FRMPD3: variants seen among roughly 807,000 people sequenced by gnomAD.
The protein encoded by FRMPD3 is FERM and PDZ domain-containing protein 3.
FRMPD3 carries 42 observed loss-of-function variants against 97.9 expected under a neutral mutation model. The ratio of observed to expected loss-of-function variants is 0.43; its 90% confidence interval spans 0.34 to 0.55. The LOEUF (loss-of-function observed/expected upper bound fraction) is 0.55. Among genes scored for constraint, FRMPD3 ranks in the 20% least tolerant of loss-of-function variants. The probability of loss-of-function intolerance (pLI) is 0.03; values close to 1 mark genes in which losing one functional copy is unlikely to be tolerated. For synonymous variants in FRMPD3, 577 were observed against 581.1 expected (o/e 0.99, Z 0.10); for missense variants, 1,303 against 1,457.7 (o/e 0.89, Z 1.73).
intron 4 of FRMPD3, among the ~76,000 whole-genome samples, chrX:107,543,618 C>T (rs1475086912): frequency 9.1e-6 from 1 of 110,058 alleles, no homozygotes; most frequent in African/African-American, 3.3e-5. Context: ...TAGTTCGAGA[C>T]CAGCCTGGCC....
chrX:107,484,215 T>C (rs1020259334), intron 1 of FRMPD3, among the ~76,000 whole-genome samples: 8 of 112,211 alleles, frequency 7.1e-5, no homozygotes, highest in African/African-American at 2.6e-4. Flanking sequence ...GGCTTGCGGA[T>C]TATGGTGCCA....
At chrX:107,587,395 CTT>C (rs1480237732) in intron 13 of FRMPD3, among the ~76,000 whole-genome samples, 2 of 111,269 alleles carry the variant, frequency 1.8e-5, no homozygotes, top group Non-Finnish European at 3.8e-5. Context: ...GGTCTTGACT[CTT>C]TATCCAATTT....
chrX:107,509,533 G>A (rs1922116649), intron 1 of FRMPD3, among the ~76,000 whole-genome samples: 1 of 112,058 alleles, frequency 8.9e-6, no homozygotes, highest in Admixed American at 9.4e-5. Context: ...ATTCCCTTCA[G>A]TTTTGCCTGA....
intron 4 of FRMPD3, among the ~76,000 whole-genome samples, chrX:107,543,256 G>A (rs192780135): frequency 1.8e-3 from 196 of 110,781 alleles, no homozygotes; most frequent in Non-Finnish European, 2.8e-3. Flanking sequence ...AGTTCTCACC[G>A]TGGTTTACAA....
At chrX:107,495,895 A>C (rs1921765075) in intron 1 of FRMPD3, among the ~76,000 whole-genome samples, 1 of 112,499 alleles carries the variant, frequency 8.9e-6, no homozygotes, top group Non-Finnish European at 1.9e-5. Flanking sequence ...TGATACATAC[A>C]TGTGTGAGAT....
chrX:107,453,743 G>C (rs1482283402), intron 1 of FRMPD3, among the ~76,000 whole-genome samples: 1 of 111,408 alleles, frequency 9.0e-6, no homozygotes. Flanking sequence ...GGCAAGGACA[G>C]TGATCTTGGG....
At chrX:107,570,302 C>T (rs1922828581) in intron 12 of FRMPD3, among the ~76,000 whole-genome samples, 1 of 102,699 alleles carries the variant, frequency 9.7e-6, no homozygotes, top group East Asian at 2.9e-4. Flanking sequence ...GTCTGAACAT[C>T]CTTAACAGGG....
chrX:107,509,482 A>G (rs964042670), intron 1 of FRMPD3, among the ~76,000 whole-genome samples: 10 of 112,077 alleles, frequency 8.9e-5, no homozygotes, highest in Admixed American at 1.9e-4. Context: ...ATAAGGTGAC[A>G]TGAAAGGAGT....
rs758845946 is a variant in FRMPD3 at position 107,602,391 on chromosome X, C to G, written c.4352C>G (p.Pro1451Arg). 1.2e-5 allele frequency: 14 copies of G among 1,210,481 alleles called. No homozygotes were observed. In the South Asian group the frequency reaches 1.8e-4, roughly 15 times the overall value. The change falls in exon 15 of 15, where the codon CCC (proline) becomes CGC (arginine). Residue 1451 changes from proline to arginine, a missense_variant. Coordinates refer to ENST00000683843, the MANE Select transcript of FRMPD3 (RefSeq NM_001388459.1). ...CTGGAGTCACCGACGCTGGGAGACC[C>G]CTCCTACGTCCAGGTTGCCCCAGAG... ...RSLESPTLGDPSYVQVAPETK... is the reference protein window; with the variant it reads ...RSLESPTLGDRSYVQVAPETK...
At chrX:107,545,534 C>G (rs1183806868) in intron 4 of FRMPD3, 4 of 370,526 alleles carry the variant, frequency 1.1e-5, no homozygotes, top group Non-Finnish European at 1.9e-5. Context: ...TCAATTCATG[C>G]CCAGCTGTTT....
At chrX:107,531,677 C>T (rs1003495235) in intron 3 of FRMPD3, among the ~76,000 whole-genome samples, 2 of 111,378 alleles carry the variant, frequency 1.8e-5, no homozygotes, top group Non-Finnish European at 3.8e-5. Flanking sequence ...TTCTTTGACT[C>T]TTCTCCAAGT....
In FRMPD3 at chrX:107,603,783, G is replaced by C. The variant is rs755537502; in HGVS notation, c.*410G>C. On this transcript the variant is annotated 3_prime_UTR_variant, in exon 15 of 15. Coordinates refer to ENST00000683843, the MANE Select transcript of FRMPD3 (RefSeq NM_001388459.1). Reference sequence around the variant, plus strand: ...AGCTCCTCGTGGCATCGGCTCCCCTGCTGGGAGCAGTGGCAGTAGCAGCAG... The same window carrying C: ...AGCTCCTCGTGGCATCGGCTCCCCTCCTGGGAGCAGTGGCAGTAGCAGCAG... 2.3e-3 allele frequency: 302 copies of C among 133,575 alleles called. No individual in the cohort carries two copies. The highest frequency in any genetic ancestry group is 3.2e-3 in the Non-Finnish European group (212 of 66,763). The allele number at this position is 133,575 out of a possible 1,213,427, so 11.0% of individuals were successfully genotyped here. A position where few individuals can be genotyped will look rare whatever the true frequency, so the allele number is the denominator to read the frequency against.
intron 1 of FRMPD3, among the ~76,000 whole-genome samples, chrX:107,456,649 G>C (rs1034986707): frequency 1.8e-5 from 2 of 112,170 alleles, no homozygotes; most frequent in African/African-American, 6.5e-5. Context: ...ATGTTTTACA[G>C]TTGGCTTGTT....
rs775705514 is a variant in FRMPD3 at position 107,560,790 on chromosome X, C to T, written c.963C>T (p.Asn321=). The change falls in exon 10 of 15, where the codon AAC becomes AAT. Residue 321 remains asparagine, a synonymous_variant. Transcript: ENST00000683843. ...PSLLQVIKEK[N]LRKSLSQQLK... ...TCCTGCAGGTCATCAAAGAGAAGAA[C>T]CTCCGGAAATCTCTCTCTCAGCAAC... The T allele has an allele frequency of 3.4e-6, 4 of 1,183,344 alleles. No homozygotes were observed. In the Admixed American group the frequency reaches 9.4e-5, roughly 28 times the overall value.
At chrX:107,574,880 C>T (rs921210941) in intron 12 of FRMPD3, among the ~76,000 whole-genome samples, 2 of 112,352 alleles carry the variant, frequency 1.8e-5, no homozygotes, top group Non-Finnish European at 3.8e-5. Flanking sequence ...GGGTGACCCA[C>T]AGCCCCATGG....
At chrX:107,549,234 G>A (rs774745526) in intron 5 of FRMPD3, among the ~76,000 whole-genome samples, 71 of 109,517 alleles carry the variant, frequency 6.5e-4, no homozygotes, top group Non-Finnish European at 9.7e-4. Flanking sequence ...GAGGCAGGAG[G>A]ATCACTTGAA....
chrX:107,601,009 C>A lies in FRMPD3; in HGVS notation c.2970C>A (p.Ser990Arg). 1 of 1,206,556 alleles carries A rather than the reference C, an allele frequency of 8.3e-7. No individual in the cohort carries two copies. The stretch of plus-strand genomic sequence containing the variant: ...GGGGTGAGAGAAGGCTGGAGGCCAG[C>A]ATGGGGAGGCCAGAGGTTAGCATGA... Reference protein sequence around the residue: ...PSRGERRLEASMGRPEVSMMS... With the variant: ...PSRGERRLEARMGRPEVSMMS... The change falls in exon 15 of 15, where the codon AGC becomes AGA. Residue 990 changes from serine to arginine, a missense_variant. By Grantham distance (110) the Ser-to-Arg change is moderately radical (BLOSUM62 -1). Coordinates refer to ENST00000683843, the MANE Select transcript of FRMPD3 (RefSeq NM_001388459.1).
chrX:107,560,185 AAGGGAGTAGATC>A, intron 8 of FRMPD3, 60 bp from the exon 9 acceptor site: 2 of 1,127,539 alleles, frequency 1.8e-6, no homozygotes, highest in Non-Finnish European at 2.4e-6. Flanking sequence ...TCTGGGATGT[AAGGGAGTAGATC>A]AGGGGGTGGG....
chrX:107,511,429 G>A (rs1922161115), intron 1 of FRMPD3, among the ~76,000 whole-genome samples: 1 of 112,668 alleles, frequency 8.9e-6, no homozygotes, highest in South Asian at 3.7e-4. Flanking sequence ...AGCAGAGGGT[G>A]GGCAAGGGGG....
Sources: allele counts gnomAD v4.1 joint callset (sites outside exome capture counted in the v4.1 genomes callset), GRCh38; gene constraint gnomAD v4.1.1; transcripts MANE v1.5; gene names NCBI Gene and HGNC (gene_info 2026-07-23, HGNC 2026-07-21).